SPRING1: variants seen among roughly 807,000 people sequenced by gnomAD.
SPRING1 encodes the protein SREBP regulating gene protein.
A neutral mutation model predicts 24.7 loss-of-function variants in SPRING1; 14 were observed. That is an observed-to-expected ratio of 0.57 (90% CI 0.37 to 0.88). The LOEUF (loss-of-function observed/expected upper bound fraction) is 0.88, where lower values mean the gene tolerates loss of function less well. SPRING1 is among the 40% of genes least tolerant of loss of function. SPRING1 has a pLI of 0.00. For missense variants in SPRING1, 255 were observed against 268.4 expected (o/e 0.95, Z 0.35); for synonymous variants, 93 against 106.1 (o/e 0.88, Z 0.76).
rs1377974400 is a variant in SPRING1, at chr12:116,716,546, A to G, written c.*1264T>C. 1 of 152,666 alleles carries G rather than the reference A, an allele frequency of 6.6e-6. No homozygotes were observed. Among genetic ancestry groups the G allele is most frequent in the African/African-American group, 2.4e-5 (1 of 41,458 alleles). The allele number at this position is 152,666 out of a possible 1,614,324, so 9.5% of individuals were successfully genotyped here. A position where few individuals can be genotyped will look rare whatever the true frequency, so the allele number is the denominator to read the frequency against. On this transcript the variant is annotated 3_prime_UTR_variant, in exon 5 of 5. Coordinates refer to ENST00000261318, the MANE Select transcript of SPRING1 (RefSeq NM_024738.4). ...AAGGGCATGATGTCTTGATCTTAGG[A>G]TCAAATATTCTAGACCTTGAGCCGG...
At position 116,728,900 on chromosome 12, in the gene SPRING1, C is replaced by T. The variant is rs1870840246; in HGVS notation, c.112-5677G>A. ...ACAGCGGGGCTCAAAAGCCTTTGGT[C>T]CTGGAACCCTTTCTAATCTTAAAAA... On this transcript the variant is annotated intron_variant, in intron 1 of 4. Coordinates refer to ENST00000261318, the MANE Select transcript of SPRING1 (RefSeq NM_024738.4). The surrounding 1 kb of genome is among the most constrained non-coding windows in gnomAD (Gnocchi z 4.2). 6.6e-6 allele frequency among the ~76,000 whole-genome samples: 1 copy of T among 152,130 alleles called. No homozygotes were observed. The highest frequency in any genetic ancestry group is 2.1e-4 in the South Asian group (1 of 4,830).
In SPRING1 at chr12:116,713,862, T is replaced by C. The variant is rs937248068; in HGVS notation, c.*3948A>G. ...GGGGGAAGACAAAAATGCGCTTCTC[T>C]CTAGGTTGTGTGATTTTAGGTTATC... On this transcript the variant is annotated 3_prime_UTR_variant, in exon 5 of 5. Coordinates refer to ENST00000261318, the MANE Select transcript of SPRING1 (RefSeq NM_024738.4). The C allele has an allele frequency of 6.6e-6, 1 of 152,220 alleles. No individual in the cohort carries two copies. Among genetic ancestry groups the C allele is most frequent in the African/African-American group, 2.4e-5 (1 of 41,460 alleles). 9.4% of individuals were successfully genotyped at this position (152,220 alleles called of 1,614,324 possible).
chr12:116,722,280 G>A (rs1870473001), intron 2 of SPRING1, among the ~76,000 whole-genome samples: 1 of 152,104 alleles, frequency 6.6e-6, no homozygotes, highest in South Asian at 2.1e-4. Context: ...TACTCAAAGA[G>A]TCCAAGAGTC....
rs2270618 is a variant in SPRING1, at chr12:116,720,582, T to C, written c.269-135A>G. On this transcript the variant is annotated intron_variant, in intron 2 of 4. Transcript: ENST00000261318. The surrounding 1 kb of genome is among the most constrained non-coding windows in gnomAD (Gnocchi z 4.0). ...GGCATCATCCTAAGCACCGGAGAGC[T>C]GGAAACTGGACATAATGTGAGTGGG... The C allele has an allele frequency of 0.079, 93,204 of 1,183,610 alleles. 4,400 individuals are homozygous for C. The highest frequency in any genetic ancestry group is 0.21 in the East Asian group (8,709 of 41,598). 73.3% of individuals were successfully genotyped at this position (1,183,610 alleles called of 1,614,324 possible).
In SPRING1 at chr12:116,721,542, T is replaced by C. The variant is rs555961779; in HGVS notation, c.269-1095A>G. On this transcript the variant is annotated intron_variant, in intron 2 of 4. Transcript: ENST00000261318. ...ACTTAAGACTTGGGCAAATGAGGTC[T>C]ATAGAGAACTGGGTTCCAGATACTT... 1.1e-4 allele frequency among the ~76,000 whole-genome samples: 17 copies of C among 152,358 alleles called. 1 individual carries two copies. The South Asian group carries it at 3.5e-3, about 32-fold the overall frequency.
rs566837850 is a variant in SPRING1 at position 116,717,975 on chromosome 12, C to A, written c.535-82G>T. ...CCCTCTCGGAAGAGTGAGAGTGGAT[C>A]GGGACTGTCAGACTCTCCCTGCAGG... On this transcript the variant is annotated intron_variant, in intron 4 of 4. Coordinates refer to ENST00000261318, the MANE Select transcript of SPRING1 (RefSeq NM_024738.4). This position sits in a 1 kb window ranked among gnomAD's most constrained non-coding sequence, Gnocchi z 4.2. 24 of 1,206,184 alleles carry A rather than the reference C, an allele frequency of 2.0e-5. No homozygotes were observed. The African/African-American group carries it at 2.2e-4, about 11-fold the overall frequency. 74.7% of individuals were successfully genotyped at this position (1,206,184 alleles called of 1,614,324 possible).
intron 4 of SPRING1, 66 bp downstream of exon 4, chr12:116,719,697 T>A: frequency 7.5e-7 from 1 of 1,338,108 alleles, no homozygotes; most frequent in Non-Finnish European, 1.1e-6. Context: ...CGACAGTGTG[T>A]ATTTTCTAGT....
rs540840089 is a variant in SPRING1, at chr12:116,715,469, G to A, written c.*2341C>T. ...GTGCTCTGCAGCCCAGCTTCATTAT[G>A]GAGGCTCAAGCGCTGTGAATTTCCA... is the stretch of plus-strand genomic sequence containing the variant. On this transcript the variant is annotated 3_prime_UTR_variant, in exon 5 of 5. Transcript: ENST00000261318. 2.3e-4 allele frequency: 35 copies of A among 152,298 alleles called. No individual in the cohort carries two copies. The highest frequency in any genetic ancestry group is 8.2e-4 in the African/African-American group (34 of 41,524). 9.4% of individuals were successfully genotyped at this position (152,298 alleles called of 1,614,324 possible).
intron 1 of SPRING1, among the ~76,000 whole-genome samples, chr12:116,729,061 C>T (rs1030561662): frequency 6.6e-6 from 1 of 151,998 alleles, no homozygotes; most frequent in Non-Finnish European, 1.5e-5. Context: ...ACAATGAATT[C>T]GGTACATGAG....
At position 116,719,784 on chromosome 12, in the gene SPRING1, G is replaced by A. The variant is rs745725961; in HGVS notation, c.513C>T (p.Ala171=). Residue 171 remains alanine (A), a synonymous_variant, in exon 4 of 5, where the codon GCC becomes GCT. Transcript: ENST00000261318. ...TGACCTGAGATGAGGTCCTGCATTT[G>A]GCCAGGCACAACTCAAAGTGATCTT... The part of the protein sequence containing the change: ...AVEDHFELCL[A]KCRTSSQSVQ... 6 of 1,614,034 alleles carry A rather than the reference G, an allele frequency of 3.7e-6. No homozygotes were observed. The Admixed American group carries it at 8.3e-5, about 22-fold the overall frequency.
chr12:116,735,965 CG>C (rs138303964), intron 1 of SPRING1, among the ~76,000 whole-genome samples: 8,897 of 140,526 alleles, frequency 0.063, 378 homozygotes, highest in Middle Eastern at 0.13. Flanking sequence ...CATTTGAACC[CG>C]GGAGGTGGAG....
intron 2 of SPRING1, among the ~76,000 whole-genome samples, chr12:116,721,001 C>T (rs1032923181): frequency 5.3e-5 from 8 of 152,110 alleles, no homozygotes; most frequent in Non-Finnish European, 8.8e-5. Context: ...TATACGTGTA[C>T]GTGCCACGGA....
At chr12:116,723,008 G>A (rs1870504438) in intron 2 of SPRING1, 59 bp downstream of exon 2, 1 of 1,602,948 alleles carries the variant, frequency 6.2e-7, no homozygotes, top group Non-Finnish European at 8.5e-7. Flanking sequence ...AAAACCCTAT[G>A]AATGGCCCAA....
In SPRING1 at chr12:116,720,437, G is replaced by A. The variant is rs201676406; in HGVS notation, c.279C>T (p.Cys93=). 5.1e-4 allele frequency: 817 copies of A among 1,613,828 alleles called. 10 individuals are homozygous for A. The South Asian group carries it at 8.5e-3, about 17-fold the overall frequency. ...CATTTACCAGCAAATCCTTCCTCTCGCAAACGTAGCCTGAAAGTCAGAGAC... is the reference window on the plus strand; with the variant it reads ...CATTTACCAGCAAATCCTTCCTCTCACAAACGTAGCCTGAAAGTCAGAGAC... ...HLITDELGYV[C]ERKDLLVNGC... is the part of the protein sequence containing the mutation. The change falls in exon 3 of 5, where the codon TGC becomes TGT. Residue 93 remains cysteine, a synonymous_variant. Coordinates refer to ENST00000261318, the MANE Select transcript of SPRING1 (RefSeq NM_024738.4). This position sits in a 1 kb window ranked among gnomAD's most constrained non-coding sequence, Gnocchi z 4.0.
chr12:116,726,364 A>G (rs1296192947), intron 1 of SPRING1, among the ~76,000 whole-genome samples: 5 of 152,262 alleles, frequency 3.3e-5, no homozygotes, highest in Non-Finnish European at 1.5e-5. Flanking sequence ...CAGCATTTAA[A>G]TAACAGTGTT....
intron 4 of SPRING1, among the ~76,000 whole-genome samples, chr12:116,719,388 A>G (rs897266865): frequency 6.6e-6 from 1 of 152,182 alleles, no homozygotes; most frequent in Non-Finnish European, 1.5e-5. Context: ...ACTTACTCTA[A>G]ACAAGTGGTT....
chr12:116,733,118 G>A (rs1412913639), intron 1 of SPRING1, among the ~76,000 whole-genome samples: 2 of 152,194 alleles, frequency 1.3e-5, no homozygotes, highest in Non-Finnish European at 2.9e-5. Flanking sequence ...AAGGCAGGAT[G>A]TGGAGGGGGA....
At chr12:116,725,265 C>T (rs999002852) in intron 1 of SPRING1, among the ~76,000 whole-genome samples, 5 of 152,168 alleles carry the variant, frequency 3.3e-5, no homozygotes, top group South Asian at 2.1e-4. Context: ...CATCCCATTC[C>T]GTCCCGCCCG....
In SPRING1 at chr12:116,719,865, CA is replaced by C. The variant is rs1870334394; in HGVS notation, c.431del (p.Leu144ArgfsTer47). On this transcript the variant is annotated frameshift_variant, in exon 4 of 5. Coordinates refer to ENST00000261318, the MANE Select transcript of SPRING1 (RefSeq NM_024738.4). LOFTEE classifies it high-confidence loss of function. ...CCLQPNKQLL[L>X]ERFLNRAAVA... is the part of the protein sequence containing the mutation. ...CGGCTGCCCGGTTGAGGAAGCGCTCCAGGAGAAGTTGCTATGGAAACAAAAG... is the reference window on the plus strand; with the variant it reads ...CGGCTGCCCGGTTGAGGAAGCGCTCCGGAGAAGTTGCTATGGAAACAAAAG... 1 of 1,614,140 alleles carries C rather than the reference CA, an allele frequency of 6.2e-7. No individual in the cohort carries two copies. Among genetic ancestry groups the C allele is most frequent in the Non-Finnish European group, 8.5e-7 (1 of 1,179,998 alleles).
Sources: gnomAD v4.1 joint callset for allele counts (sites outside exome capture counted in the v4.1 genomes callset) on GRCh38, gnomAD v4.1.1 for gene constraint, Gnocchi (gnomAD v3.1) non-coding constraint, MANE v1.5 for transcripts, NCBI Gene and HGNC (gene_info 2026-07-23, HGNC 2026-07-21) for gene names.